CEP41: variants seen among roughly 807,000 people sequenced by gnomAD.
CEP41 encodes the protein centrosomal protein 41, also known as centrosomal protein of 41 kDa.
CEP41 carries 32 observed loss-of-function variants against 44.3 expected under a neutral mutation model. The observed-to-expected ratio is 0.72, with a 90% CI of 0.54 to 0.97. CEP41 has a LOEUF of 0.97. CEP41 is among the 50% of genes least tolerant of loss of function. CEP41 has a pLI of 0.00. For missense variants in CEP41, 432 were observed against 455.2 expected (o/e 0.95, Z 0.46); for synonymous variants, 151 against 168.5 (o/e 0.90, Z 0.80).
chr7:130,418,678 G>A (rs1454331596), intron 2 of CEP41, among the ~76,000 whole-genome samples: 1 of 152,162 alleles, frequency 6.6e-6, no homozygotes, highest in Admixed American at 6.5e-5. Context: ...ACTAAGCCAG[G>A]ATTCGCATTT....
chr7:130,429,716 T>C (rs1797769533), intron 1 of CEP41, among the ~76,000 whole-genome samples: 1 of 152,244 alleles, frequency 6.6e-6, no homozygotes, highest in African/African-American at 2.4e-5. Flanking sequence ...GGGCAAAATG[T>C]ATGTCCTCTG....
Position 130,402,712 on chromosome 7 carries a change from G to A in CEP41, c.510C>T (p.Asp170=), listed in dbSNP as rs782083906. The change falls in exon 7 of 11, where the codon GAC becomes GAT. Residue 170 remains aspartate, a synonymous_variant. Transcript: ENST00000223208. The part of the protein sequence containing the change: ...EPHTKDKPYP[D]CPFLLLDVRD... ...GCACATCTAGCAGCAGGAAGGGGCA[G>A]TCAGGATAAGGTTTGTCTTTGGTAT... is the stretch of plus-strand genomic sequence containing the variant. 9 of 1,614,080 alleles carry A rather than the reference G, an allele frequency of 5.6e-6. No homozygotes were observed. In the African/African-American group the frequency reaches 6.7e-5, roughly 12 times the overall value.
chr7:130,406,315 G>A (rs1797007072), intron 5 of CEP41, among the ~76,000 whole-genome samples: 1 of 152,164 alleles, frequency 6.6e-6, no homozygotes, highest in South Asian at 2.1e-4. Flanking sequence ...CGGGCATGGT[G>A]GCTCACACCT....
At chr7:130,399,930 C>G (rs1202875641) in intron 10 of CEP41, 109 bp downstream of exon 10, 1 of 877,328 alleles carries the variant, frequency 1.1e-6, no homozygotes, top group Non-Finnish European at 1.9e-6. Context: ...TGTAACATAC[C>G]TCCCTAGTAT....
At chr7:130,400,970 T>C in intron 8 of CEP41, 149 bp from the exon 9 acceptor site, 1 of 662,712 alleles carries the variant, frequency 1.5e-6, no homozygotes, top group Non-Finnish European at 2.7e-6. Flanking sequence ...CAGCAGGGAC[T>C]GGATGGTTTC....
At position 130,401,062 on chromosome 7, in the gene CEP41, G is replaced by C. The variant is rs183558848; in HGVS notation, c.643-241C>G. 756 of 494,336 alleles carry C rather than the reference G, an allele frequency of 1.5e-3. 2 individuals carry two copies. The highest frequency in any genetic ancestry group is 2.3e-3 in the Non-Finnish European group (620 of 270,202). 30.6% of individuals were successfully genotyped at this position (494,336 alleles called of 1,614,324 possible). On this transcript the variant is annotated intron_variant, in intron 8 of 10. Transcript: ENST00000223208. ...TGATCTAAAAGACAGCACTAGTTCCGGACTTTACATCCTTTAGCTCTCTTA... is the reference window on the plus strand; with the variant it reads ...TGATCTAAAAGACAGCACTAGTTCCCGACTTTACATCCTTTAGCTCTCTTA...
chr7:130,431,930 T>C (rs1797833673), intron 1 of CEP41, among the ~76,000 whole-genome samples: 1 of 152,164 alleles, frequency 6.6e-6, no homozygotes, highest in Admixed American at 6.5e-5. Flanking sequence ...TGTCAATGTC[T>C]AGAGGCATTT....
intron 2 of CEP41, among the ~76,000 whole-genome samples, chr7:130,422,941 C>T (rs1246620278): frequency 2.6e-5 from 4 of 152,104 alleles, no homozygotes; most frequent in Admixed American, 6.5e-5. Flanking sequence ...TATAAAACAA[C>T]TCTTTTTTTA....
At chr7:130,415,124 AG>A (rs1337890949) in intron 3 of CEP41, among the ~76,000 whole-genome samples, 4 of 152,228 alleles carry the variant, frequency 2.6e-5, no homozygotes, top group African/African-American at 9.6e-5. Context: ...CAGATTACAA[AG>A]GATTTCTGCA....
chr7:130,399,462 G>A (rs1343639779), intron 10 of CEP41: 6 of 241,550 alleles, frequency 2.5e-5, no homozygotes, highest in African/African-American at 9.0e-5. Flanking sequence ...TTTCCAAGAA[G>A]GAATCTGAAG....
In CEP41 at chr7:130,402,720, A is replaced by T; in HGVS notation, c.502T>A (p.Tyr168Asn). ...KAEPHTKDKP[Y>N]PDCPFLLLDV... ...AGCAGCAGGAAGGGGCAGTCAGGAT[A>T]AGGTTTGTCTTTGGTATGGGGCTCT... Residue 168 changes from tyrosine to asparagine, a missense_variant, in exon 7 of 11, where the codon TAT (tyrosine) becomes AAT (asparagine). Physicochemically the swap from Tyr to Asn is moderately radical, Grantham distance 143. Transcript: ENST00000223208. 6.2e-7 allele frequency: 1 copy of T among 1,614,124 alleles called. No individual in the cohort carries two copies. The highest frequency in any genetic ancestry group is 8.5e-7 in the Non-Finnish European group (1 of 1,179,998).
chr7:130,395,697 C>T lies in CEP41; in HGVS notation c.*3194G>A, dbSNP rs547608590. The T allele has an allele frequency of 2.2e-5, 10 of 453,644 alleles. No homozygotes were observed. In the East Asian group the frequency reaches 3.5e-4, roughly 16 times the overall value. The allele number at this position is 453,644 out of a possible 1,614,324, so 28.1% of individuals were successfully genotyped here. ...TTCCACAAGGGAATTAGAGAAAACA[C>T]GATTTTTTGTTTTGTTCTGTTTTCT... On this transcript the variant is annotated 3_prime_UTR_variant, in exon 11 of 11. Transcript: ENST00000223208.
At chr7:130,433,006 T>C (rs1247780768) in intron 1 of CEP41, among the ~76,000 whole-genome samples, 1 of 152,076 alleles carries the variant, frequency 6.6e-6, no homozygotes, top group African/African-American at 2.4e-5. Context: ...AAGTGGGTCA[T>C]GAAAATTAAA....
chr7:130,441,277 G>A (rs1356386182), upstream of CEP41: 7 of 383,284 alleles, frequency 1.8e-5, no homozygotes, highest in Admixed American at 2.0e-4. Flanking sequence ...GAAGGCTGGC[G>A]CCTGCGCAAA....
intron 2 of CEP41, 93 bp downstream of exon 2, chr7:130,427,862 T>C (rs991599532): frequency 8.6e-6 from 7 of 812,322 alleles, no homozygotes; most frequent in Non-Finnish European, 1.5e-5. Context: ...GAGAAACTTT[T>C]AGCTGTGATT....
chr7:130,395,566 A>G lies in CEP41; in HGVS notation c.*3325T>C, dbSNP rs922806466. On this transcript the variant is annotated 3_prime_UTR_variant, in exon 11 of 11. Transcript: ENST00000223208. ...CGCTCTAAAAAAGTCAGATAACATA[A>G]AAGACAGAATCTATAGCCAATAAAC... 6.6e-6 allele frequency: 3 copies of G among 454,020 alleles called. No individual in the cohort carries two copies. The highest frequency in any genetic ancestry group is 4.0e-5 in the African/African-American group (2 of 50,020). 28.1% of individuals were successfully genotyped at this position (454,020 alleles called of 1,614,324 possible).
intron 1 of CEP41, among the ~76,000 whole-genome samples, chr7:130,436,965 G>A (rs1323822242): frequency 1.3e-5 from 2 of 152,168 alleles, no homozygotes; most frequent in Non-Finnish European, 2.9e-5. Flanking sequence ...CTTGAACCTG[G>A]GAGGCGGAGG....
In CEP41 at chr7:130,440,945, C is replaced by T; in HGVS notation, c.22G>A (p.Gly8Arg). Residue 8 changes from glycine (G) to arginine (R), a missense_variant, in exon 1 of 11, where the codon GGG (glycine) becomes AGG (arginine). Physicochemically the swap from Gly to Arg is moderately radical, Grantham distance 125. Coordinates refer to ENST00000223208, the MANE Select transcript of CEP41 (RefSeq NM_018718.3). ...GACCTGGCCCTCACCTCAGGGTTCC[C>T]AATGTGCCTCCGGAGGGACATATTT... is the stretch of plus-strand genomic sequence containing the variant. MSLRRHI[G>R]NPEYLMKRIP... 1 of 1,612,648 alleles carries T rather than the reference C, an allele frequency of 6.2e-7. No homozygotes were observed. The highest frequency in any genetic ancestry group is 8.5e-7 in the Non-Finnish European group (1 of 1,180,010).
intron 1 of CEP41, among the ~76,000 whole-genome samples, chr7:130,428,924 A>C (rs1797746379): frequency 6.6e-6 from 1 of 151,682 alleles, no homozygotes; most frequent in African/African-American, 2.4e-5. Flanking sequence ...AAAATAAATA[A>C]ATAAATAAAT....
Sources: gnomAD v4.1 joint callset for allele counts (sites outside exome capture counted in the v4.1 genomes callset) on GRCh38, gnomAD v4.1.1 for gene constraint, MANE v1.5 for transcripts, NCBI Gene and HGNC (gene_info 2026-07-23, HGNC 2026-07-21) for gene names.